TMEM181: variants seen among roughly 807,000 people sequenced by gnomAD.
TMEM181 encodes G protein-coupled receptor 178.
Under a neutral mutation model 71.9 loss-of-function variants are expected in TMEM181, and 39 were observed. The ratio of observed to expected loss-of-function variants is 0.54; its 90% CI spans 0.42 to 0.71. TMEM181 has a LOEUF of 0.71. Ranked by LOEUF, TMEM181 falls within the 30% of genes least tolerant of loss-of-function variation. TMEM181 has a pLI of 0.00. For missense variants in TMEM181, 595 were observed against 583.0 expected (o/e 1.02, Z -0.21); for synonymous variants, 245 against 228.8 (o/e 1.07, Z -0.64).
At chr6:158,600,637 A>G (rs1198651576) in intron 6 of TMEM181, among the ~76,000 whole-genome samples, 2 of 150,960 alleles carry the variant, frequency 1.3e-5, no homozygotes, top group Admixed American at 6.6e-5. Flanking sequence ...CGCCCGGCTA[A>G]TTTTTGTATT....
At chr6:158,538,928 G>A (rs556764008) in intron 1 of TMEM181, among the ~76,000 whole-genome samples, 1 of 152,364 alleles carries the variant, frequency 6.6e-6, no homozygotes, top group South Asian at 2.1e-4. Context: ...CAGCGAGCCT[G>A]GAGCACTGTG....
In TMEM181 at chr6:158,632,002, A is replaced by G; in HGVS notation, c.*114A>G. The G allele has an allele frequency of 9.5e-7, 1 of 1,048,874 alleles. No individual in the cohort carries two copies. The highest frequency in any genetic ancestry group is 1.4e-6 in the Non-Finnish European group (1 of 727,758). The allele number at this position is 1,048,874 out of a possible 1,614,324, so 65.0% of individuals were successfully genotyped here. A position where few individuals can be genotyped will look rare whatever the true frequency, so the allele number is the denominator to read the frequency against. ...TCTTACAAGCAGAGATTTCCTGTTCATTTGTTTACATATTTTTTTAAAGGA... is the reference window on the plus strand; with the variant it reads ...TCTTACAAGCAGAGATTTCCTGTTCGTTTGTTTACATATTTTTTTAAAGGA... On this transcript the variant is annotated 3_prime_UTR_variant, in exon 17 of 17. Transcript: ENST00000684151.
upstream of TMEM181, among the ~76,000 whole-genome samples, chr6:158,558,956 CTT>C (rs1782006579): frequency 6.6e-6 from 1 of 152,182 alleles, no homozygotes; most frequent in African/African-American, 2.4e-5. Flanking sequence ...ATGAAGAACC[CTT>C]TCCCTCTGCT....
At chr6:158,595,993 C>T (rs541458190) in intron 6 of TMEM181, among the ~76,000 whole-genome samples, 32 of 152,240 alleles carry the variant, frequency 2.1e-4, no homozygotes, top group Admixed American at 4.6e-4. Context: ...GCGATCTCGG[C>T]TCACTGCAAG....
At chr6:158,552,556 A>T (rs1210718712) in intron 1 of TMEM181, among the ~76,000 whole-genome samples, 1 of 152,244 alleles carries the variant, frequency 6.6e-6, no homozygotes, top group East Asian at 1.9e-4. Flanking sequence ...CACTGGAGGA[A>T]AAGATTGCTG....
At position 158,585,425 on chromosome 6, in the gene TMEM181, GGTGA is replaced by G. The variant is rs757037627; in HGVS notation, c.381+4_381+7del. On this transcript the variant is annotated splice_donor_variant and splice_donor_region_variant and intron_variant, in intron 5 of 16. Coordinates refer to ENST00000684151, the MANE Select transcript of TMEM181 (RefSeq NM_001376852.1). LOFTEE classifies it high-confidence loss of function. ...GGACAAGGACCCTCACATGTGCAGGGGTGAGTGTGTGGGGTGAGCCCCACAGTCA... is the reference window on the plus strand; with the variant it reads ...GGACAAGGACCCTCACATGTGCAGGGGTGTGTGGGGTGAGCCCCACAGTCA... The G allele has an allele frequency of 6.3e-7, 1 of 1,594,864 alleles. No homozygotes were observed. Among genetic ancestry groups the G allele is most frequent in the Non-Finnish European group, 8.5e-7 (1 of 1,172,714 alleles).
chr6:158,563,632 C>T (rs1470212777), intron 1 of TMEM181, among the ~76,000 whole-genome samples: 1 of 152,216 alleles, frequency 6.6e-6, no homozygotes. Context: ...TTCCTTGTTC[C>T]CTGTGGCCTG....
At chr6:158,630,617 C>T (rs1292568592) in intron 15 of TMEM181, among the ~76,000 whole-genome samples, 3 of 151,870 alleles carry the variant, frequency 2.0e-5, no homozygotes, top group African/African-American at 4.8e-5. Flanking sequence ...GTAGTTGATG[C>T]GTTTTTGACT....
At chr6:158,589,087 C>G (rs1229164517) in intron 5 of TMEM181, among the ~76,000 whole-genome samples, 1 of 152,206 alleles carries the variant, frequency 6.6e-6, no homozygotes, top group Non-Finnish European at 1.5e-5. Context: ...AGGAAGGGCT[C>G]TTGTCAACAG....
chr6:158,541,243 C>A (rs527581855), intron 1 of TMEM181, among the ~76,000 whole-genome samples: 1 of 152,082 alleles, frequency 6.6e-6, no homozygotes, highest in East Asian at 1.9e-4. Context: ...TGGCGAAACT[C>A]CATCTCTACT....
intron 6 of TMEM181, among the ~76,000 whole-genome samples, chr6:158,591,186 C>G (rs1784089652): frequency 6.6e-6 from 1 of 152,254 alleles, no homozygotes; most frequent in Non-Finnish European, 1.5e-5. Flanking sequence ...TACCCTATAG[C>G]CCTTTGCAGG....
chr6:158,603,176 C>G (rs1784763092), intron 6 of TMEM181, among the ~76,000 whole-genome samples: 1 of 152,168 alleles, frequency 6.6e-6, no homozygotes, highest in Admixed American at 6.5e-5. Context: ...CCCCTGACCT[C>G]CCAAATTCAG....
At chr6:158,604,798 G>A (rs574409121) in intron 6 of TMEM181, among the ~76,000 whole-genome samples, 12 of 152,200 alleles carry the variant, frequency 7.9e-5, no homozygotes, top group Admixed American at 3.3e-4. Flanking sequence ...TATAAGATCC[G>A]AATGCTTTTA....
rs1221087124 is a variant in TMEM181 at position 158,633,601 on chromosome 6, T to A, written c.*1713T>A. ...ATCATCCACGTTAAGTAGTGCTAGG[T>A]AGGACCTTAGAGATGTTCATGAGAA... On this transcript the variant is annotated 3_prime_UTR_variant, in exon 17 of 17. Coordinates refer to ENST00000684151, the MANE Select transcript of TMEM181 (RefSeq NM_001376852.1). 1 of 152,168 alleles carries A rather than the reference T, an allele frequency of 6.6e-6. No homozygotes were observed. The highest frequency in any genetic ancestry group is 1.5e-5 in the Non-Finnish European group (1 of 68,016). The allele number at this position is 152,168 out of a possible 1,614,324, so 9.4% of individuals were successfully genotyped here. A position where few individuals can be genotyped will look rare whatever the true frequency, so the allele number is the denominator to read the frequency against.
intron 6 of TMEM181, among the ~76,000 whole-genome samples, chr6:158,593,983 G>T (rs1477713729): frequency 6.6e-6 from 1 of 151,672 alleles, no homozygotes; most frequent in Non-Finnish European, 1.5e-5. Context: ...ACTATTTGTA[G>T]TACCGTAGAG....
chr6:158,599,733 G>A (rs749965477), intron 6 of TMEM181, among the ~76,000 whole-genome samples: 1 of 152,162 alleles, frequency 6.6e-6, no homozygotes, highest in Non-Finnish European at 1.5e-5. Flanking sequence ...GATCCAGCGC[G>A]CCTGGAGGCC....
intron 2 of TMEM181, among the ~76,000 whole-genome samples, chr6:158,573,749 T>C (rs922201529): frequency 2.6e-4 from 39 of 152,360 alleles, no homozygotes; most frequent in East Asian, 1.9e-4. Context: ...GGCCATGCCC[T>C]GTGCAGCAGC....
At chr6:158,595,288 TAAAC>T (rs1259138215) in intron 6 of TMEM181, among the ~76,000 whole-genome samples, 1 of 152,236 alleles carries the variant, frequency 6.6e-6, no homozygotes, top group East Asian at 1.9e-4. Context: ...TTTTTGGAAG[TAAAC>T]AAGCTATAAT....
At chr6:158,545,955 C>G (rs1370335340) in intron 1 of TMEM181, among the ~76,000 whole-genome samples, 1 of 152,190 alleles carries the variant, frequency 6.6e-6, no homozygotes, top group Non-Finnish European at 1.5e-5. Context: ...TGACTTTCAG[C>G]CTTCAAGTCT....
Sources: allele counts gnomAD v4.1 joint callset (sites outside exome capture counted in the v4.1 genomes callset), GRCh38; gene constraint gnomAD v4.1.1; transcripts MANE v1.5; gene names NCBI Gene and HGNC (gene_info 2026-07-23, HGNC 2026-07-21).